The following COL12A1 variants were observed in gnomAD, a reference collection of about 807,000 sequenced individuals.
The protein encoded by COL12A1 is collagen alpha-1(XII) chain.
In COL12A1, 114 loss-of-function variants were observed where a neutral mutation model predicts 349.7. The observed-to-expected ratio is 0.33, with a 90% CI of 0.28 to 0.38. The LOEUF (loss-of-function observed/expected upper bound fraction) is 0.38. COL12A1 is among the 10% of genes least tolerant of loss of function. The probability of loss-of-function intolerance (pLI) is 1.00; values close to 1 mark genes in which losing one functional copy is unlikely to be tolerated. For missense variants in COL12A1, 3,284 were observed against 3,756.9 expected (o/e 0.87, Z 3.29); for synonymous variants, 1,369 against 1,329.0 (o/e 1.03, Z -0.66).
chr6:75,144,317 C>G (rs1419620885), intron 25 of COL12A1, among the ~76,000 whole-genome samples: 1 of 152,168 alleles, frequency 6.6e-6, no homozygotes, highest in Non-Finnish European at 1.5e-5. Context: ...ACAAAACCAC[C>G]AGCCCCAGAC....
At chr6:75,153,187 T>A (rs1454748525) in intron 17 of COL12A1, among the ~76,000 whole-genome samples, 1 of 152,232 alleles carries the variant, frequency 6.6e-6, no homozygotes, top group African/African-American at 2.4e-5. Context: ...ATATAGATGG[T>A]GAAGTTTGCA....
At chr6:75,103,200 C>A (rs978071160) in intron 55 of COL12A1, among the ~76,000 whole-genome samples, 15 of 152,170 alleles carry the variant, frequency 9.9e-5, no homozygotes, top group African/African-American at 3.6e-4. Context: ...GGGTTAGCAT[C>A]CTAATCTTGC....
Position 75,138,521 on chromosome 6 carries a change from G to A in COL12A1, c.5157C>T (p.Ile1719=), listed in dbSNP as rs1766737359. The A allele has an allele frequency of 2.5e-6, 4 of 1,614,086 alleles. No homozygotes were observed. Among genetic ancestry groups the A allele is most frequent in the Non-Finnish European group, 3.4e-6 (4 of 1,179,968 alleles). The change falls in exon 29 of 66, where the codon ATC becomes ATT. Residue 1719 remains isoleucine (I), a synonymous_variant. Coordinates refer to ENST00000322507, the MANE Select transcript of COL12A1 (RefSeq NM_004370.6). ...LVFENLNPNT[I]YEVSITAIYP... is the part of the protein sequence containing the mutation. Reference sequence around the variant, plus strand: ...AGATGGCAGTAATGGAAACTTCATAGATGGTGTTGGGGTTCAGGTTTTCGA... The same window carrying A: ...AGATGGCAGTAATGGAAACTTCATAAATGGTGTTGGGGTTCAGGTTTTCGA...
chr6:75,139,704 C>G (rs1766798995), intron 27 of COL12A1, among the ~76,000 whole-genome samples: 1 of 152,150 alleles, frequency 6.6e-6, no homozygotes, highest in African/African-American at 2.4e-5. Flanking sequence ...ATAGCTTCTT[C>G]CTATAGATCA....
Position 75,124,314 on chromosome 6 carries a change from A to G in COL12A1, c.6665T>C (p.Val2222Ala), listed in dbSNP as rs1421870639. ...GGCTGCCCGGTGAGGTGACCATTTG[A>G]CACAGAATGTATCCCACCCAATCTG... ...TYQIGWDTFCVKWSPHRAATS... is the reference protein window; with the variant it reads ...TYQIGWDTFCAKWSPHRAATS... The change falls in exon 41 of 66, where the codon GTC becomes GCC. Residue 2222 changes from valine to alanine, a missense_variant. Coordinates refer to ENST00000322507, the MANE Select transcript of COL12A1 (RefSeq NM_004370.6). The G allele has an allele frequency of 6.2e-7, 1 of 1,613,730 alleles. No individual in the cohort carries two copies. Among genetic ancestry groups the G allele is most frequent in the Admixed American group, 1.7e-5 (1 of 59,974 alleles).
rs976111576 is a variant in COL12A1, at chr6:75,189,661, T to C, written c.549A>G (p.Gln183=). ...ATTCAGTCCTGGTATCAGAGCTGTA[T>C]TGAACAACTCCAACTCTTGTCTTCT... The part of the protein sequence containing the change: ...GEEKTRVGVV[Q]YSSDTRTEFN... The change falls in exon 6 of 66, where the codon CAA becomes CAG. Residue 183 remains glutamine, a synonymous_variant. Transcript: ENST00000322507. The C allele has an allele frequency of 5.6e-6, 9 of 1,613,302 alleles. No individual in the cohort carries two copies. In the African/African-American group the frequency reaches 8.0e-5, roughly 14 times the overall value.
chr6:75,175,114 T>C lies in COL12A1; in HGVS notation c.2634A>G (p.Gln878=), dbSNP rs776675160. The C allele has an allele frequency of 1.1e-5, 17 of 1,614,174 alleles. No individual in the cohort carries two copies. The highest frequency in any genetic ancestry group is 1.4e-5 in the Non-Finnish European group (16 of 1,180,028). ...ACAAGGCTGTCACAGATAAGGCGTA[T>C]TGTGTCCCTTCCTTCAATCCCTGCA... is the stretch of plus-strand genomic sequence containing the variant. ...TVLQGLKEGT[Q]YALSVTALYA... Residue 878 remains glutamine (Q), a synonymous_variant, in exon 13 of 66, where the codon CAA becomes CAG. Coordinates refer to ENST00000322507, the MANE Select transcript of COL12A1 (RefSeq NM_004370.6).
chr6:75,165,609 T>C lies in COL12A1; in HGVS notation c.2881A>G (p.Met961Val), dbSNP rs370815575. Residue 961 changes from methionine (M) to valine (V), a missense_variant, in exon 14 of 66, where the codon ATG becomes GTG. This residue lies in a region of COL12A1 where 2,601 missense variants were observed against 2,824.8 expected (regional missense o/e 0.92). Transcript: ENST00000322507. ...GTCTCTGGCTGCAGATTTTCTATCA[T>C]CGTATGAATTGCATCTTCAGGCAGA... Reference protein sequence around the residue: ...KNLPEDAIHTMIENLQPETKY... With the variant: ...KNLPEDAIHTVIENLQPETKY... 1 of 1,613,982 alleles carries C rather than the reference T, an allele frequency of 6.2e-7. No individual in the cohort carries two copies. Among genetic ancestry groups the C allele is most frequent in the African/African-American group, 1.3e-5 (1 of 75,020 alleles).
chr6:75,165,641 T>C lies in COL12A1; in HGVS notation c.2849A>G (p.Glu950Gly). ...KSLYDDVDTG[E>G]KNLPEDAIHT... ...AATTGCATCTTCAGGCAGATTTTTC[T>C]CTCCAGTGTCAACATCATCATAAAG... Residue 950 changes from glutamate (E) to glycine (G), a missense_variant, in exon 14 of 66, where the codon GAG (glutamate) becomes GGG (glycine). Physicochemically the swap from Glu to Gly is moderately conservative, Grantham distance 98. Around this residue, in one of 2 missense-constraint regions of COL12A1, gnomAD observed 2,601 missense variants for 2,824.8 expected, o/e 0.92. Transcript: ENST00000322507. The C allele has an allele frequency of 1.2e-6, 2 of 1,613,966 alleles. No individual in the cohort carries two copies. Among genetic ancestry groups the C allele is most frequent in the Non-Finnish European group, 1.7e-6 (2 of 1,179,914 alleles).
At chr6:75,123,806 A>G (rs1765865292) in intron 42 of COL12A1, 142 bp downstream of exon 42, 2 of 908,976 alleles carry the variant, frequency 2.2e-6, no homozygotes, top group Non-Finnish European at 3.2e-6. Context: ...TTTAGACTCC[A>G]CATTCAGGAA....
chr6:75,101,485 C>G, intron 58 of COL12A1, 115 bp downstream of exon 58: 1 of 977,350 alleles, frequency 1.0e-6, no homozygotes. Context: ...AGCTTTGCAG[C>G]TTTCCACAAG....
intron 24 of COL12A1, 99 bp downstream of exon 24, chr6:75,146,001 TAA>T: frequency 7.9e-7 from 1 of 1,266,870 alleles, no homozygotes; most frequent in Non-Finnish European, 1.1e-6. Context: ...ATTTTGTACG[TAA>T]AGTTATAAAT....
chr6:75,190,273 C>T (rs551095876), intron 5 of COL12A1, among the ~76,000 whole-genome samples: 18 of 151,796 alleles, frequency 1.2e-4, no homozygotes, highest in Non-Finnish European at 2.4e-4. Flanking sequence ...AAAATAATTG[C>T]TGTACCATTC....
chr6:75,087,679 CA>C lies in COL12A1; in HGVS notation c.9078del (p.Gly3027AlafsTer50), dbSNP rs2149322917. 6.2e-7 allele frequency: 1 copy of C among 1,609,490 alleles called. No homozygotes were observed. The highest frequency in any genetic ancestry group is 1.1e-5 in the South Asian group (1 of 90,348). The stretch of plus-strand genomic sequence containing the variant: ...CGGATACCTGAGTTTCCAGGACGGC[CA>C]GGGGGGCCAGGGGGACCTCTTGAAC... ...STGSRGPPGP[P>X]GRPGNSGIRG... On this transcript the variant is annotated frameshift_variant, in exon 65 of 66. Transcript: ENST00000322507. LOFTEE classifies it high-confidence loss of function.
intron 2 of COL12A1, among the ~76,000 whole-genome samples, chr6:75,196,425 A>C (rs949189887): frequency 8.5e-5 from 13 of 152,258 alleles, no homozygotes; most frequent in African/African-American, 3.1e-4. Context: ...TAATGGAAAT[A>C]ATTAAGCAAA....
chr6:75,152,279 T>C (rs371309930), intron 18 of COL12A1, 29 bp from the exon 19 acceptor site: 140 of 1,613,610 alleles, frequency 8.7e-5, no homozygotes, highest in Non-Finnish European at 1.2e-4. Context: ...CATTAGTGCA[T>C]GTGAAAGAGA....
At chr6:75,099,699 G>C (rs979183320) in intron 58 of COL12A1, among the ~76,000 whole-genome samples, 6 of 152,190 alleles carry the variant, frequency 3.9e-5, no homozygotes, top group Non-Finnish European at 7.3e-5. Context: ...GGGCTGAGAA[G>C]ACTGATGGCC....
At position 75,124,037 on chromosome 6, in the gene COL12A1, C is replaced by T. The variant is rs1349888990; in HGVS notation, c.6782G>A (p.Gly2261Asp). The T allele has an allele frequency of 2.5e-6, 4 of 1,613,840 alleles. No homozygotes were observed. In the East Asian group the frequency reaches 6.7e-5, roughly 27 times the overall value. Residue 2261 changes from glycine to aspartate, a missense_variant, in exon 42 of 66, where the codon GGC becomes GAC. Gly to Asp is a moderately conservative substitution (Grantham distance 94, BLOSUM62 -1). This residue lies in a region of COL12A1 where 2,601 missense variants were observed against 2,824.8 expected (regional missense o/e 0.92). Transcript: ENST00000322507. ...ACCATAATCAGTGTCTGGTGAAAGG[C>T]CAGTGAAGCAGTGACTGGTTTCTGA... ...RGSETSHCFT[G>D]LSPDTDYGVT...
At chr6:75,174,687 G>A (rs2149451134) in intron 13 of COL12A1, among the ~76,000 whole-genome samples, 1 of 152,264 alleles carries the variant, frequency 6.6e-6, no homozygotes, top group Admixed American at 6.5e-5. Context: ...GCATAAACTT[G>A]GGCAATCCAA....
Sources: gnomAD v4.1 joint callset for allele counts (sites outside exome capture counted in the v4.1 genomes callset) on GRCh38, gnomAD v4.1.1 for gene constraint, gnomAD v4.1.1 regional missense constraint, MANE v1.5 for transcripts, NCBI Gene and HGNC (gene_info 2026-07-23, HGNC 2026-07-21) for gene names.